Variants in TRIM29 observed in about 807,000 individuals in gnomAD.
TRIM29 encodes tripartite motif-containing protein 29.
In TRIM29, 52 loss-of-function variants were observed where a neutral mutation model predicts 57.3. The observed-to-expected ratio is 0.91, with a 90% CI of 0.73 to 1.14. TRIM29 has a LOEUF of 1.14. TRIM29 is among the 50% of genes most tolerant of loss of function. The probability of loss-of-function intolerance (pLI) is 0.00; values close to 1 mark genes in which losing one functional copy is unlikely to be tolerated. For synonymous variants in TRIM29, 319 were observed against 316.9 expected (o/e 1.01, Z -0.07); for missense variants, 753 against 774.6 (o/e 0.97, Z 0.33).
At position 120,112,514 on chromosome 11, in the gene TRIM29, A is replaced by T; in HGVS notation, c.1705-38T>A. Reference sequence around the variant, plus strand: ...CAAGAGTGGTCAGCGAGGCCAGACGACAGATGAGCCTGCTAGCTAGACCCA... The same window carrying T: ...CAAGAGTGGTCAGCGAGGCCAGACGTCAGATGAGCCTGCTAGCTAGACCCA... On this transcript the variant is annotated intron_variant, in intron 8 of 8. Transcript: ENST00000341846. 3 of 1,611,270 alleles carry T rather than the reference A, an allele frequency of 1.9e-6. No homozygotes were observed. The South Asian group carries it at 3.3e-5, about 18-fold the overall frequency.
intron 1 of TRIM29, among the ~76,000 whole-genome samples, chr11:120,134,921 G>A (rs111641282): frequency 4.6e-5 from 7 of 152,298 alleles, no homozygotes; most frequent in African/African-American, 9.6e-5. Flanking sequence ...TGTCTACTAC[G>A]GTTTGACGTT....
At position 120,118,333 on chromosome 11, in the gene TRIM29, A is replaced by T. The variant is rs752065610; in HGVS notation, c.1529-12T>A. 3 of 1,605,324 alleles carry T rather than the reference A, an allele frequency of 1.9e-6. No homozygotes were observed. In the African/African-American group the frequency reaches 4.0e-5, roughly 21 times the overall value. ...GGAGGTGTAGTTACCTGGCAGGACA[A>T]AGAAGGGCTGTCAGGCCCCCACAGC... On this transcript the variant is annotated splice_polypyrimidine_tract_variant and intron_variant, in intron 6 of 8. Coordinates refer to ENST00000341846, the MANE Select transcript of TRIM29 (RefSeq NM_012101.4).
Position 120,137,169 on chromosome 11 carries a change from C to T in TRIM29, c.804+59G>A. ...AAGCCCGAGTGGAGAAGATGAAGTT[C>T]GGAGGGGTGGGGTGAGAGAGGAGAG... On this transcript the variant is annotated intron_variant, in intron 1 of 8. Transcript: ENST00000341846. The surrounding 1 kb of genome is among the most constrained non-coding windows in gnomAD (Gnocchi z 6.2). The T allele has an allele frequency of 6.3e-7, 1 of 1,576,924 alleles. No homozygotes were observed. Among genetic ancestry groups the T allele is most frequent in the Non-Finnish European group, 8.7e-7 (1 of 1,155,390 alleles).
At chr11:120,136,169 CAT>C (rs1184959699) in intron 1 of TRIM29, among the ~76,000 whole-genome samples, 1 of 152,186 alleles carries the variant, frequency 6.6e-6, no homozygotes, top group Non-Finnish European at 1.5e-5. Flanking sequence ...AAAATAAACA[CAT>C]ATACAGATGC....
At chr11:120,131,466 A>G (rs1273425696) in intron 1 of TRIM29, among the ~76,000 whole-genome samples, 1 of 152,134 alleles carries the variant, frequency 6.6e-6, no homozygotes, top group African/African-American at 2.4e-5. Context: ...GGGCAGGGCC[A>G]GAAGGGGAGA....
At chr11:120,120,344 TACACACACACACACACACACACACACAC>T (rs71050727) in intron 6 of TRIM29, among the ~76,000 whole-genome samples, 1 of 138,148 alleles carries the variant, frequency 7.2e-6, no homozygotes, top group African/African-American at 2.8e-5. Flanking sequence ...CCCACACATG[TACACACACACACACACACACACACACAC>T]ACACACACAC....
intron 8 of TRIM29, chr11:120,113,542 G>A: frequency 2.2e-6 from 1 of 449,210 alleles, no homozygotes; most frequent in Non-Finnish European, 4.5e-6. Flanking sequence ...CACACCTCAA[G>A]GGTACACTGC....
At position 120,118,277 on chromosome 11, in the gene TRIM29, T is replaced by G; in HGVS notation, c.1573A>C (p.Asn525His). Residue 525 changes from asparagine to histidine, a missense_variant, in exon 7 of 9, where the codon AAC becomes CAC. Asn to His is a moderately conservative substitution (Grantham distance 68, BLOSUM62 1). Transcript: ENST00000341846. ...ACGACGGGCAGGTCATTGTCAGAGT[T>G]CTGAATGCTGGAGGAGTACTCCCAG... ...RVWEYSSSIQ[N>H]SDNDLPVVQG... The G allele has an allele frequency of 1.2e-6, 2 of 1,613,898 alleles. No homozygotes were observed.
intron 1 of TRIM29, among the ~76,000 whole-genome samples, chr11:120,131,968 C>A (rs1863731618): frequency 1.3e-5 from 2 of 150,548 alleles, no homozygotes; most frequent in South Asian, 4.3e-4. Context: ...GTGTGAAAAC[C>A]GAGGCCTATA....
In TRIM29 at chr11:120,118,307, G is replaced by A. The variant is rs1047940612; in HGVS notation, c.1543C>T (p.Arg515Trp). ...ATGCTGGAGGAGTACTCCCAGACCCGGGAGGTGTAGTTACCTGGCAGGACA... is the reference window on the plus strand; with the variant it reads ...ATGCTGGAGGAGTACTCCCAGACCCAGGAGGTGTAGTTACCTGGCAGGACA... Reference protein sequence around the residue: ...LYGTKGNYTSRVWEYSSSIQN... With the variant: ...LYGTKGNYTSWVWEYSSSIQN... Residue 515 changes from arginine (R) to tryptophan (W), a missense_variant, in exon 7 of 9, where the codon CGG (arginine) becomes TGG (tryptophan). By Grantham distance (101) the Arg-to-Trp change is moderately radical. Coordinates refer to ENST00000341846, the MANE Select transcript of TRIM29 (RefSeq NM_012101.4). 1.2e-5 allele frequency: 20 copies of A among 1,612,810 alleles called. No homozygotes were observed. The highest frequency in any genetic ancestry group is 1.7e-5 in the Admixed American group (1 of 59,906).
rs1863240142 is a variant in TRIM29, at chr11:120,115,370, G to T, written c.1672C>A (p.Gln558Lys). ...MRSQSPKAQP[Q>K]TWKSGKQTML... ...GTCTGCTTGCCAGATTTCCAAGTCT[G>T]GGGCTGGGCCTTGGGGCTTTGGCTC... is the stretch of plus-strand genomic sequence containing the variant. The change falls in exon 8 of 9, where the codon CAG (glutamine) becomes AAG (lysine). Residue 558 changes from glutamine to lysine, a missense_variant. Coordinates refer to ENST00000341846, the MANE Select transcript of TRIM29 (RefSeq NM_012101.4). 1 of 1,613,766 alleles carries T rather than the reference G, an allele frequency of 6.2e-7. No homozygotes were observed. The highest frequency in any genetic ancestry group is 8.5e-7 in the Non-Finnish European group (1 of 1,179,966).
chr11:120,137,399 G>T lies in TRIM29; in HGVS notation c.633C>A (p.His211Gln), dbSNP rs1591333255. 6.2e-7 allele frequency: 1 copy of T among 1,612,390 alleles called. No homozygotes were observed. ...PHLEGAAFRD[H>Q]QLLEPIRDFE... The stretch of plus-strand genomic sequence containing the variant: ...AGTCCCGGATGGGCTCGAGCAGCTG[G>T]TGGTCTCGGAAGGCGGCGCCCTCCA... The change falls in exon 1 of 9, where the codon CAC (histidine) becomes CAA (glutamine). Residue 211 changes from histidine to glutamine, a missense_variant. Transcript: ENST00000341846. The surrounding 1 kb of genome is among the most constrained non-coding windows in gnomAD (Gnocchi z 6.2).
rs550507922 is a variant in TRIM29 at position 120,115,681 on chromosome 11, C to T, written c.1628-267G>A. 1.4e-5 allele frequency: 7 copies of T among 483,758 alleles called. No homozygotes were observed. The South Asian group carries it at 1.5e-4, about 11-fold the overall frequency. 30.0% of individuals were successfully genotyped at this position (483,758 alleles called of 1,614,324 possible). ...TGGACCAGGCAGCAGGGGAGTGTTG[C>T]CCCCACATCCAGCGCAGCATCACAC... On this transcript the variant is annotated intron_variant, in intron 7 of 8. Transcript: ENST00000341846.
intron 3 of TRIM29, among the ~76,000 whole-genome samples, chr11:120,126,720 C>A (rs755132507): frequency 3.3e-5 from 5 of 152,234 alleles, no homozygotes; most frequent in Admixed American, 3.3e-4. Context: ...CCCACCTGCC[C>A]TTCTCTGAGC....
Position 120,118,279 on chromosome 11 carries a change from T to G in TRIM29, c.1571A>C (p.Gln524Pro), listed in dbSNP as rs1331746185. Residue 524 changes from glutamine (Q) to proline (P), a missense_variant, in exon 7 of 9, where the codon CAG becomes CCG. Gln to Pro is a moderately conservative substitution (Grantham distance 76). Coordinates refer to ENST00000341846, the MANE Select transcript of TRIM29 (RefSeq NM_012101.4). Reference protein sequence around the residue: ...SRVWEYSSSIQNSDNDLPVVQ... With the variant: ...SRVWEYSSSIPNSDNDLPVVQ... ...GACGGGCAGGTCATTGTCAGAGTTC[T>G]GAATGCTGGAGGAGTACTCCCAGAC... 3 of 1,613,876 alleles carry G rather than the reference T, an allele frequency of 1.9e-6. No homozygotes were observed. The highest frequency in any genetic ancestry group is 2.5e-6 in the Non-Finnish European group (3 of 1,179,950).
chr11:120,131,434 C>T (rs888678134), intron 1 of TRIM29, among the ~76,000 whole-genome samples: 3 of 151,980 alleles, frequency 2.0e-5, no homozygotes, highest in African/African-American at 4.8e-5. Flanking sequence ...GAGGTGTTGG[C>T]GGATGATGTG....
chr11:120,134,184 G>C (rs985364483), intron 1 of TRIM29, among the ~76,000 whole-genome samples: 5 of 152,140 alleles, frequency 3.3e-5, no homozygotes, highest in Non-Finnish European at 5.9e-5. Flanking sequence ...CTGACCCAGG[G>C]ACCACCAGAG....
intron 1 of TRIM29, among the ~76,000 whole-genome samples, chr11:120,132,419 G>C (rs972632937): frequency 1.3e-5 from 2 of 152,120 alleles, no homozygotes; most frequent in Admixed American, 6.5e-5. Flanking sequence ...GTCCCTAAAT[G>C]ACTCCTTTGT....
intron 1 of TRIM29, among the ~76,000 whole-genome samples, chr11:120,130,417 T>C (rs1863695173): frequency 6.6e-6 from 1 of 151,982 alleles, no homozygotes; most frequent in Non-Finnish European, 1.5e-5. Flanking sequence ...CAAAACACAA[T>C]CCCTCCCACC....
Sources: allele counts gnomAD v4.1 joint callset (sites outside exome capture counted in the v4.1 genomes callset), GRCh38; gene constraint gnomAD v4.1.1; non-coding constraint Gnocchi (gnomAD v3.1); transcripts MANE v1.5; gene names NCBI Gene and HGNC (gene_info 2026-07-23, HGNC 2026-07-21).